The following RGS5 variants were observed in gnomAD, a reference collection of about 807,000 sequenced individuals.
RGS5 encodes the protein regulator of G-protein signalling 5.
RGS5 carries 20 observed loss-of-function variants against 18.9 expected under a neutral mutation model. The ratio of observed to expected loss-of-function variants is 1.06; its 90% CI spans 0.74 to 1.54. The LOEUF (loss-of-function observed/expected upper bound fraction) is 1.54. Ranked by LOEUF, RGS5 falls within the 40% of genes most tolerant of loss-of-function variation. The pLI, the probability that RGS5 is intolerant of heterozygous loss-of-function variation, is 0.00. For missense variants in RGS5, 201 were observed against 211.8 expected (o/e 0.95, Z 0.32); for synonymous variants, 57 against 76.2 (o/e 0.75, Z 1.31).
intron 1 of RGS5, among the ~76,000 whole-genome samples, chr1:163,169,256 C>G (rs573081341): frequency 7.5e-4 from 114 of 152,152 alleles, no homozygotes; most frequent in South Asian, 1.7e-3. Flanking sequence ...TTAATCCAGT[C>G]TATCATTGTT....
intron 1 of RGS5, chr1:163,211,685 A>G (rs1441223926): frequency 6.6e-6 from 1 of 152,180 alleles, no homozygotes. Flanking sequence ...CATATGATAT[A>G]TGAGAAGTAG....
At chr1:163,195,850 C>T (rs1402451205) in intron 1 of RGS5, among the ~76,000 whole-genome samples, 2 of 151,912 alleles carry the variant, frequency 1.3e-5, no homozygotes, top group African/African-American at 2.4e-5. Flanking sequence ...AAACTAGTCA[C>T]CTTAAATATA....
chr1:163,214,740 T>C (rs1660179422), intron 1 of RGS5, among the ~76,000 whole-genome samples: 1 of 152,206 alleles, frequency 6.6e-6, no homozygotes. Context: ...TCTTTAATTT[T>C]TGTGTTATTG....
chr1:163,272,880 T>G (rs1648755823), intron 2 of RGS5, among the ~76,000 whole-genome samples: 1 of 152,102 alleles, frequency 6.6e-6, no homozygotes, highest in Non-Finnish European at 1.5e-5. Flanking sequence ...CAATTATTTT[T>G]CTTTATAAAA....
At chr1:163,235,167 T>G (rs907824233) in intron 2 of RGS5, among the ~76,000 whole-genome samples, 2 of 152,176 alleles carry the variant, frequency 1.3e-5, no homozygotes, top group Non-Finnish European at 2.9e-5. Context: ...TTCATATCCC[T>G]TCTACATTCT....
chr1:163,166,750 G>C (rs1658071724), intron 2 of RGS5, among the ~76,000 whole-genome samples: 1 of 152,174 alleles, frequency 6.6e-6, no homozygotes, highest in Non-Finnish European at 1.5e-5. Context: ...TCAGCCCCAG[G>C]GTTTCTTCCA....
At chr1:163,222,387 AC>A (rs1447315105), upstream of RGS5, among the ~76,000 whole-genome samples, 3 of 151,154 alleles carry the variant, frequency 2.0e-5, no homozygotes, top group African/African-American at 4.9e-5. Context: ...CAAACCACCA[AC>A]CCCCCACCCC....
upstream of RGS5, among the ~76,000 whole-genome samples, chr1:163,204,204 T>G (rs1002831613): frequency 2.0e-5 from 3 of 152,102 alleles, no homozygotes; most frequent in African/African-American, 7.2e-5. Context: ...TTTTCTGAAA[T>G]TTTGACTTTA....
chr1:163,196,095 G>A (rs181860668), intron 1 of RGS5, among the ~76,000 whole-genome samples: 115 of 152,250 alleles, frequency 7.6e-4, no homozygotes, highest in Admixed American at 3.4e-3. Flanking sequence ...AATCTTAAGA[G>A]TAACTTCCTC....
intron 4 of RGS5, among the ~76,000 whole-genome samples, chr1:163,149,568 C>T (rs1205587154): frequency 6.6e-6 from 1 of 152,120 alleles, no homozygotes; most frequent in Admixed American, 6.6e-5. Flanking sequence ...ACATATTTAT[C>T]TGTTTAGTTA....
At chr1:163,185,021 C>T (rs1659012038) in intron 1 of RGS5, among the ~76,000 whole-genome samples, 1 of 152,156 alleles carries the variant, frequency 6.6e-6, no homozygotes, top group Non-Finnish European at 1.5e-5. Context: ...TTCTGTGATC[C>T]TCATTCTACC....
chr1:163,313,532 G>C (rs1649931080), intron 1 of RGS5, among the ~76,000 whole-genome samples: 1 of 152,114 alleles, frequency 6.6e-6, no homozygotes, highest in South Asian at 2.1e-4. Flanking sequence ...ACATATGTAG[G>C]GCATCTCTGA....
At chr1:163,320,180 T>C (rs1326670154) in intron 1 of RGS5, among the ~76,000 whole-genome samples, 1 of 152,212 alleles carries the variant, frequency 6.6e-6, no homozygotes, top group Non-Finnish European at 1.5e-5. Context: ...CGCTTGGTTT[T>C]TTTTCTAGAT....
intron 2 of RGS5, among the ~76,000 whole-genome samples, chr1:163,227,413 T>C (rs573278701): frequency 3.2e-4 from 48 of 152,320 alleles, no homozygotes; most frequent in Admixed American, 7.8e-4. Flanking sequence ...CAGATGCTTA[T>C]ACAACCATCA....
chr1:163,175,842 G>A (rs1049326685), intron 1 of RGS5, among the ~76,000 whole-genome samples: 1 of 151,920 alleles, frequency 6.6e-6, no homozygotes, highest in South Asian at 2.1e-4. Context: ...AATACTCCTC[G>A]GGTGCTCCAA....
At chr1:163,166,601 T>G (rs914078230) in intron 2 of RGS5, among the ~76,000 whole-genome samples, 1 of 152,164 alleles carries the variant, frequency 6.6e-6, no homozygotes, top group Non-Finnish European at 1.5e-5. Context: ...AGTGGGAAAC[T>G]TTTTTATTGG....
chr1:163,319,263 G>C (rs74117683), intron 1 of RGS5: 1 of 152,344 alleles, frequency 6.6e-6, no homozygotes, highest in African/African-American at 2.4e-5. Context: ...AGTCCTGATA[G>C]GTCTGTCATC....
At chr1:163,159,686 T>C (rs1657724036) in intron 3 of RGS5, among the ~76,000 whole-genome samples, 2 of 152,186 alleles carry the variant, frequency 1.3e-5, no homozygotes, top group African/African-American at 4.8e-5. Context: ...TTTGTTGCTT[T>C]AGGGAAATTA....
At chr1:163,273,010 G>T (rs1424989356) in intron 2 of RGS5, among the ~76,000 whole-genome samples, 5 of 151,662 alleles carry the variant, frequency 3.3e-5, no homozygotes, top group Non-Finnish European at 5.9e-5. Flanking sequence ...TCATAAGTAT[G>T]TCATTTGATT....
Sources: gnomAD v4.1 joint callset for allele counts (sites outside exome capture counted in the v4.1 genomes callset) on GRCh38, gnomAD v4.1.1 for gene constraint, MANE v1.5 for transcripts, NCBI Gene and HGNC (gene_info 2026-07-23, HGNC 2026-07-21) for gene names.